CRAMP1: variants seen among roughly 807,000 people sequenced by gnomAD.
The protein encoded by CRAMP1 is cramped chromatin regulator 1.
Under a neutral mutation model 115.4 loss-of-function variants are expected in CRAMP1, and 50 were observed. That is an observed-to-expected ratio of 0.43 (90% CI 0.35 to 0.55). The LOEUF is 0.55. CRAMP1 is among the 20% of genes least tolerant of loss of function. The pLI is 0.01. For missense variants in CRAMP1, 1,679 were observed against 1,721.7 expected, an observed-to-expected ratio of 0.98 and a Z score of 0.44; for synonymous variants, 866 against 745.4, an observed-to-expected ratio of 1.16 and a Z score of -2.64.
chr16:1,646,657 T>C (rs1360943276), intron 6 of CRAMP1, among the ~76,000 whole-genome samples: 1 of 152,222 alleles, frequency 6.6e-6, no homozygotes, highest in Non-Finnish European at 1.5e-5. Flanking sequence ...TGAAAGTCCT[T>C]CGCTTTGATG....
At chr16:1,632,818 C>G (rs2036557710) in intron 4 of CRAMP1, among the ~76,000 whole-genome samples, 1 of 152,232 alleles carries the variant, frequency 6.6e-6, no homozygotes. Context: ...TCTGCGTCGG[C>G]CCTCGTTCAG....
At chr16:1,659,634 G>A (rs767815283) in intron 10 of CRAMP1, among the ~76,000 whole-genome samples, 8 of 152,128 alleles carry the variant, frequency 5.3e-5, no homozygotes, top group African/African-American at 7.2e-5. Context: ...TGATCCGCTC[G>A]TCTCGGCCTC....
At chr16:1,632,129 C>T (rs917779327) in intron 3 of CRAMP1, 83 bp from the exon 4 acceptor site, 40 of 1,409,646 alleles carry the variant, frequency 2.8e-5, no homozygotes, top group Middle Eastern at 1.8e-4. Flanking sequence ...TCTCCTTTCT[C>T]GGAACCTTGG....
chr16:1,652,457 C>A, intron 6 of CRAMP1, 39 bp from the exon 7 acceptor site: 1 of 1,525,020 alleles, frequency 6.6e-7, no homozygotes, highest in Non-Finnish European at 8.9e-7. Context: ...CTTCTGTTCA[C>A]TCACAGGCCT....
intron 2 of CRAMP1, among the ~76,000 whole-genome samples, chr16:1,618,063 G>A (rs1407870490): frequency 2.6e-5 from 4 of 152,148 alleles, no homozygotes; most frequent in African/African-American, 9.7e-5. Context: ...GCTTAGAGCC[G>A]CAGAAACCAT....
At chr16:1,650,837 A>G (rs1408405998) in intron 6 of CRAMP1, among the ~76,000 whole-genome samples, 2 of 152,240 alleles carry the variant, frequency 1.3e-5, no homozygotes, top group African/African-American at 4.8e-5. Context: ...AACAAGATAC[A>G]CATGCCCTGA....
In CRAMP1 at chr16:1,655,287, A is replaced by G. The variant is rs777096385; in HGVS notation, c.1106A>G (p.His369Arg). Residue 369 changes from histidine (H) to arginine (R), a missense_variant, in exon 9 of 21, where the codon CAT becomes CGT. Physicochemically the swap from His to Arg is conservative, Grantham distance 29. This residue lies in a region of CRAMP1 where 191 missense variants were observed against 236.2 expected (regional missense o/e 0.81). Coordinates refer to ENST00000397412, the MANE Select transcript of CRAMP1 (RefSeq NM_020825.4). Reference protein sequence around the residue: ...IEFLKQKWALHEVRVRKTLEE... With the variant: ...IEFLKQKWALREVRVRKTLEE... ...TTCTTGAAGCAGAAGTGGGCGCTCC[A>G]TGAGGTGCGAGTTGTATCCTTTTCC... is the stretch of plus-strand genomic sequence containing the variant. 6.2e-7 allele frequency: 1 copy of G among 1,613,874 alleles called. No homozygotes were observed. Among genetic ancestry groups the G allele is most frequent in the South Asian group, 1.1e-5 (1 of 91,092 alleles).
At position 1,670,081 on chromosome 16, in the gene CRAMP1, A is replaced by C. The variant is rs145487433; in HGVS notation, c.3500-583A>C. On this transcript the variant is annotated intron_variant, in intron 19 of 20. Coordinates refer to ENST00000397412, the MANE Select transcript of CRAMP1 (RefSeq NM_020825.4). ...GGAGTTTGAGACCAGCCTTGGCAGC[A>C]TAGAGAGACCTTGTCTCTACAGAAA... Among the ~76,000 whole-genome samples, 26 of 152,144 alleles carry C rather than the reference A, an allele frequency of 1.7e-4. No homozygotes were observed. In the East Asian group the frequency reaches 4.9e-3, roughly 28 times the overall value.
intron 11 of CRAMP1, among the ~76,000 whole-genome samples, chr16:1,660,616 T>G (rs1375897584): frequency 6.6e-6 from 1 of 152,228 alleles, no homozygotes; most frequent in Non-Finnish European, 1.5e-5. Flanking sequence ...ATGAACAGTT[T>G]CCCGAGGCAT....
At chr16:1,612,903 G>A (rs1241145859) in intron 1 of CRAMP1, among the ~76,000 whole-genome samples, 1 of 152,062 alleles carries the variant, frequency 6.6e-6, no homozygotes, top group Non-Finnish European at 1.5e-5. Context: ...GCGAAAAGGA[G>A]GCCATCCCCC....
At chr16:1,624,818 G>A (rs1012720033) in intron 2 of CRAMP1, among the ~76,000 whole-genome samples, 4 of 152,068 alleles carry the variant, frequency 2.6e-5, no homozygotes, top group African/African-American at 9.7e-5. Context: ...TCTTGACCTC[G>A]TGATCTGCCC....
chr16:1,674,442 C>A lies in CRAMP1; in HGVS notation c.*397C>A. On this transcript the variant is annotated 3_prime_UTR_variant, in exon 21 of 21. Transcript: ENST00000397412. ...CTGTGCACTAGGAGCTGTGATCTCC[C>A]TCTCTGCAGGGAGGCCCCAGCCCCT... 4.7e-6 allele frequency: 1 copy of A among 213,824 alleles called. No individual in the cohort carries two copies. The allele number at this position is 213,824 out of a possible 1,614,324, so 13.2% of individuals were successfully genotyped here. A position where few individuals can be genotyped will look rare whatever the true frequency, so the allele number is the denominator to read the frequency against.
chr16:1,639,358 G>A (rs905027604), intron 5 of CRAMP1, among the ~76,000 whole-genome samples: 3 of 151,460 alleles, frequency 2.0e-5, no homozygotes, highest in African/African-American at 7.3e-5. Context: ...CGGACGTAGG[G>A]GCTCAAGAGC....
In CRAMP1 at chr16:1,632,384, A is replaced by G. The variant is rs2142178298; in HGVS notation, c.694+19A>G. The G allele has an allele frequency of 1.3e-6, 2 of 1,572,352 alleles. No individual in the cohort carries two copies. Among genetic ancestry groups the G allele is most frequent in the African/African-American group, 1.4e-5 (1 of 74,016 alleles). On this transcript the variant is annotated intron_variant, in intron 4 of 20. Coordinates refer to ENST00000397412, the MANE Select transcript of CRAMP1 (RefSeq NM_020825.4). Reference sequence around the variant, plus strand: ...GATCATGGTGAGTGTGCCACGGGCCAGGCTCGGGGGTGCCCACAGGCAGGG... The same window carrying G: ...GATCATGGTGAGTGTGCCACGGGCCGGGCTCGGGGGTGCCCACAGGCAGGG...
chr16:1,666,216 C>A lies in CRAMP1; in HGVS notation c.2857+39C>A. The A allele has an allele frequency of 2.1e-6, 3 of 1,412,786 alleles. No individual in the cohort carries two copies. The highest frequency in any genetic ancestry group is 2.4e-5 in the East Asian group (1 of 42,092). The allele number at this position is 1,412,786 out of a possible 1,614,324, so 87.5% of individuals were successfully genotyped here. A position where few individuals can be genotyped will look rare whatever the true frequency, so the allele number is the denominator to read the frequency against. On this transcript the variant is annotated intron_variant, in intron 15 of 20. Coordinates refer to ENST00000397412, the MANE Select transcript of CRAMP1 (RefSeq NM_020825.4). This position sits in a 1 kb window ranked among gnomAD's most constrained non-coding sequence, Gnocchi z 5.0. ...TGCATGGCCACAGCCACTGAGTGAG[C>A]CTCTGAGGGATGTTTTTGTGACCAG...
At chr16:1,629,722 T>C (rs1385934852) in intron 3 of CRAMP1, among the ~76,000 whole-genome samples, 1 of 152,212 alleles carries the variant, frequency 6.6e-6, no homozygotes, top group Non-Finnish European at 1.5e-5. Flanking sequence ...GCCTGGACCT[T>C]GCAGGAAGGC....
intron 2 of CRAMP1, among the ~76,000 whole-genome samples, chr16:1,624,775 G>C (rs1227564345): frequency 6.6e-6 from 1 of 152,128 alleles, no homozygotes; most frequent in Non-Finnish European, 1.5e-5. Context: ...GTAGAGACGG[G>C]GTTTCACAAT....
chr16:1,667,476 A>T, intron 17 of CRAMP1, 76 bp downstream of exon 17: 1 of 1,163,230 alleles, frequency 8.6e-7, no homozygotes, highest in Non-Finnish European at 1.3e-6. Flanking sequence ...TGCCACCTGC[A>T]GTCTTGGAGT....
intron 6 of CRAMP1, among the ~76,000 whole-genome samples, chr16:1,645,915 C>T (rs1300275132): frequency 1.3e-5 from 2 of 152,110 alleles, no homozygotes; most frequent in East Asian, 3.9e-4. Flanking sequence ...TGCCAGCAAC[C>T]CCCAAGTCCC....
Sources: gnomAD v4.1 joint callset for allele counts (sites outside exome capture counted in the v4.1 genomes callset) on GRCh38, gnomAD v4.1.1 for gene constraint, gnomAD v4.1.1 regional missense constraint, Gnocchi (gnomAD v3.1) non-coding constraint, MANE v1.5 for transcripts, NCBI Gene and HGNC (gene_info 2026-07-23, HGNC 2026-07-21) for gene names.